STRN4: variants seen among roughly 807,000 people sequenced by gnomAD.
STRN4 encodes the protein striatin 4.
Under a neutral mutation model 77.9 loss-of-function variants are expected in STRN4, and 27 were observed. The ratio of observed to expected loss-of-function variants is 0.35; its 90% CI spans 0.26 to 0.48. The LOEUF (loss-of-function observed/expected upper bound fraction) is 0.48. STRN4 is among the 20% of genes least tolerant of loss of function. The pLI is 0.99. For synonymous variants in STRN4, 466 were observed against 443.1 expected (o/e 1.05, Z -0.65); for missense variants, 798 against 1,049.7 (o/e 0.76, Z 3.31).
chr19:46,726,117 A>T, intron 9 of STRN4: 1 of 164,548 alleles, frequency 6.1e-6, no homozygotes, highest in Non-Finnish European at 1.3e-5. Flanking sequence ...GCCCGTGCAG[A>T]GGCCCTGAGG....
chr19:46,733,453 T>C lies in STRN4; in HGVS notation c.540-217A>G. The C allele has an allele frequency of 3.6e-6, 2 of 560,256 alleles. No individual in the cohort carries two copies. Among genetic ancestry groups the C allele is most frequent in the Non-Finnish European group, 3.2e-6 (1 of 312,724 alleles). The allele number at this position is 560,256 out of a possible 1,614,324, so 34.7% of individuals were successfully genotyped here. On this transcript the variant is annotated intron_variant, in intron 4 of 17. Coordinates refer to ENST00000263280, the MANE Select transcript of STRN4 (RefSeq NM_013403.3). This position sits in a 1 kb window ranked among gnomAD's most constrained non-coding sequence, Gnocchi z 4.3. ...CAATGCTATGTGTGAGGGTGCTCCC[T>C]GCACTGCTGTATGGGGAAGCCGAAG...
Position 46,733,586 on chromosome 19 carries a change from C to T in STRN4, c.540-350G>A, listed in dbSNP as rs546634877. Reference sequence around the variant, plus strand: ...GCAGAGCCTTAAGGGAAGCTGGCCACGGTAAACAGCAGAACGAAAACGCTA... The same window carrying T: ...GCAGAGCCTTAAGGGAAGCTGGCCATGGTAAACAGCAGAACGAAAACGCTA... On this transcript the variant is annotated intron_variant, in intron 4 of 17. Transcript: ENST00000263280. This position sits in a 1 kb window ranked among gnomAD's most constrained non-coding sequence, Gnocchi z 4.3. The T allele has an allele frequency of 7.5e-5, 18 of 240,472 alleles. No homozygotes were observed. In the South Asian group the frequency reaches 1.1e-3, roughly 14 times the overall value. 14.9% of individuals were successfully genotyped at this position (240,472 alleles called of 1,614,324 possible).
At chr19:46,725,798 C>T (rs2054097971) in intron 9 of STRN4, 150 bp from the exon 10 acceptor site, 6 of 985,112 alleles carry the variant, frequency 6.1e-6, no homozygotes, top group Non-Finnish European at 5.9e-6. Flanking sequence ...GGGAACTCTC[C>T]CCTTCCTCTG....
chr19:46,741,351 C>G lies in STRN4; in HGVS notation c.283-2463G>C, dbSNP rs1172841339. Among the ~76,000 whole-genome samples the G allele has an allele frequency of 6.6e-6, 1 of 152,244 alleles. No homozygotes were observed. Among genetic ancestry groups the G allele is most frequent in the Non-Finnish European group, 1.5e-5 (1 of 68,040 alleles). On this transcript the variant is annotated intron_variant, in intron 1 of 17. Coordinates refer to ENST00000263280, the MANE Select transcript of STRN4 (RefSeq NM_013403.3). The surrounding 1 kb of genome is among the most constrained non-coding windows in gnomAD (Gnocchi z 4.9). ...TTCATCCCTCTGCTGCCTCATCGAG[C>G]TGTGGTCTCCCTCCTCCTAATGAGG...
In STRN4 at chr19:46,730,203, AC is replaced by A. The variant is rs1411123391; in HGVS notation, c.879+528del. ...CCTGCAGTGCTGCGGCTCCGTGCAC[AC>A]CACTCTACTTGGGGTGCGACTCTGT... is the stretch of plus-strand genomic sequence containing the variant. On this transcript the variant is annotated intron_variant, in intron 6 of 17. Transcript: ENST00000263280. 2.0e-5 allele frequency among the ~76,000 whole-genome samples: 3 copies of A among 152,200 alleles called. No homozygotes were observed. The East Asian group carries it at 5.8e-4, about 29-fold the overall frequency.
chr19:46,723,212 G>A lies in STRN4; in HGVS notation c.1667C>T (p.Ser556Phe), dbSNP rs780719992. Residue 556 changes from serine to phenylalanine, a missense_variant, in exon 13 of 18, where the codon TCC becomes TTC. Coordinates refer to ENST00000263280, the MANE Select transcript of STRN4 (RefSeq NM_013403.3). This position sits in a 1 kb window ranked among gnomAD's most constrained non-coding sequence, Gnocchi z 5.5. ...AVWGLAFSPT[S>F]QRLASCSADG... Reference sequence around the variant, plus strand: ...AGCAGAACAGGAGGCCAGGCGCTGGGAGGTGGGACTGAAGGCCAGGCCCCA... The same window carrying A: ...AGCAGAACAGGAGGCCAGGCGCTGGAAGGTGGGACTGAAGGCCAGGCCCCA... 41 of 1,554,342 alleles carry A rather than the reference G, an allele frequency of 2.6e-5. No homozygotes were observed. Among genetic ancestry groups the A allele is most frequent in the Admixed American group, 3.9e-5 (2 of 51,512 alleles).
At chr19:46,745,366 C>T (rs183254898) in intron 1 of STRN4, among the ~76,000 whole-genome samples, 1 of 152,308 alleles carries the variant, frequency 6.6e-6, no homozygotes, top group African/African-American at 2.4e-5. Context: ...GAACCCTTCC[C>T]TGCACTGTGC....
intron 5 of STRN4, chr19:46,731,081 C>T (rs1337518595): frequency 5.2e-5 from 37 of 704,888 alleles, no homozygotes; most frequent in Non-Finnish European, 8.0e-5. Context: ...TCACTCAGAC[C>T]GCAAACGGGG....
intron 9 of STRN4, chr19:46,725,989 T>C (rs562933540): frequency 1.3e-5 from 3 of 233,406 alleles, no homozygotes; most frequent in South Asian, 1.7e-4. Context: ...GAATTAAAGA[T>C]GCACAGAGAG....
chr19:46,724,243 T>C (rs187304792), intron 12 of STRN4, among the ~76,000 whole-genome samples: 1 of 87,112 alleles, frequency 1.1e-5, no homozygotes, highest in African/African-American at 6.5e-5. Context: ...GTGAGACTCT[T>C]TGTCTCAAAA....
At chr19:46,743,208 G>A (rs138917721) in intron 1 of STRN4, among the ~76,000 whole-genome samples, 9 of 152,130 alleles carry the variant, frequency 5.9e-5, no homozygotes, top group African/African-American at 1.9e-4. Context: ...ACGAAGAGAA[G>A]GAACTTTCCT....
intron 6 of STRN4, among the ~76,000 whole-genome samples, chr19:46,730,492 T>C (rs1189506373): frequency 6.6e-6 from 1 of 152,182 alleles, no homozygotes; most frequent in Non-Finnish European, 1.5e-5. Flanking sequence ...TCCGAGGCCA[T>C]CTGCCACAGG....
At position 46,736,840 on chromosome 19, in the gene STRN4, C is replaced by A. The variant is rs2054375819; in HGVS notation, c.522G>T (p.Gly174=). ...ACACTCACTGTCGGAGAAGCTGCCG[C>A]CCCTCCTTCCACACCAACGGGCTGT... ...LENSPLVWKE[G]RQLLRQYLEE... Residue 174 remains glycine, a synonymous_variant, in exon 4 of 18, where the codon GGG becomes GGT. Coordinates refer to ENST00000263280, the MANE Select transcript of STRN4 (RefSeq NM_013403.3). 6.2e-7 allele frequency: 1 copy of A among 1,613,180 alleles called. No individual in the cohort carries two copies. The highest frequency in any genetic ancestry group is 1.3e-5 in the African/African-American group (1 of 74,876).
rs2054017181 is a variant in STRN4 at position 46,723,004 on chromosome 19, C to A, written c.1766-54G>T. 2.5e-6 allele frequency: 4 copies of A among 1,606,510 alleles called. No individual in the cohort carries two copies. The highest frequency in any genetic ancestry group is 1.7e-4 in the Middle Eastern group (1 of 6,042). On this transcript the variant is annotated intron_variant, in intron 13 of 17. Coordinates refer to ENST00000263280, the MANE Select transcript of STRN4 (RefSeq NM_013403.3). This position sits in a 1 kb window ranked among gnomAD's most constrained non-coding sequence, Gnocchi z 5.5. ...GAATGGACCCTCAGACCCAGCCCTG[C>A]CCCAGGGTGGGGGACAGTGGGTGGG...
Position 46,727,890 on chromosome 19 carries a change from T to C in STRN4, c.1153+4A>G. On this transcript the variant is annotated splice_donor_region_variant and intron_variant, in intron 8 of 17. Transcript: ENST00000263280. ...ACTGGGACCAGGTGGGGGGTGCCTC[T>C]TACCTTCATGTGGCCGGGGCTGGGG... 2 of 1,597,642 alleles carry C rather than the reference T, an allele frequency of 1.3e-6. No homozygotes were observed. Among genetic ancestry groups the C allele is most frequent in the South Asian group, 2.3e-5 (2 of 88,662 alleles).
intron 4 of STRN4, among the ~76,000 whole-genome samples, chr19:46,735,026 C>T (rs1012063348): frequency 6.6e-6 from 1 of 151,694 alleles, no homozygotes; most frequent in Non-Finnish European, 1.5e-5. Flanking sequence ...ATAAGCTGGG[C>T]TGGGCGCGGT....
chr19:46,736,511 A>C (rs1405351520), intron 4 of STRN4: 1 of 174,108 alleles, frequency 5.7e-6, no homozygotes, highest in East Asian at 1.3e-4. Flanking sequence ...ATCTAAAAAA[A>C]AAAAAAAAAA....
intron 9 of STRN4, among the ~76,000 whole-genome samples, chr19:46,726,843 G>A (rs1244595524): frequency 6.6e-6 from 1 of 152,158 alleles, no homozygotes; most frequent in Non-Finnish European, 1.5e-5. Flanking sequence ...CCCTAGCGGG[G>A]CTCAGAACAC....
chr19:46,737,843 C>T (rs1337244622), intron 3 of STRN4, among the ~76,000 whole-genome samples: 1 of 152,174 alleles, frequency 6.6e-6, no homozygotes, highest in Non-Finnish European at 1.5e-5. Flanking sequence ...GTGACGTCTT[C>T]CCCGGCTTTC....
Sources: gnomAD v4.1 joint callset for allele counts (sites outside exome capture counted in the v4.1 genomes callset) on GRCh38, gnomAD v4.1.1 for gene constraint, Gnocchi (gnomAD v3.1) non-coding constraint, MANE v1.5 for transcripts, NCBI Gene and HGNC (gene_info 2026-07-23, HGNC 2026-07-21) for gene names.